Variants in C6orf89 observed in about 807,000 individuals in gnomAD.
The protein encoded by C6orf89 is bombesin receptor-activated protein C6orf89.
C6orf89 carries 29 observed loss-of-function variants against 40.7 expected under a neutral mutation model. The observed-to-expected ratio is 0.71, with a 90% CI of 0.53 to 0.97. C6orf89 has a LOEUF of 0.97. Ranked by LOEUF, C6orf89 falls within the 50% of genes least tolerant of loss-of-function variation. C6orf89 has a pLI of 0.00. For missense variants in C6orf89, 392 were observed against 429.1 expected (o/e 0.91, Z 0.76); for synonymous variants, 165 against 152.2 (o/e 1.08, Z -0.62).
intron 4 of C6orf89, among the ~76,000 whole-genome samples, chr6:36,904,809 C>T (rs368856572): frequency 3.7e-4 from 57 of 152,228 alleles, no homozygotes; most frequent in African/African-American, 1.3e-3. Context: ...GTCTCACACT[C>T]CCAGGGTCAT....
chr6:36,878,098 A>G (rs976308223), intron 1 of C6orf89, among the ~76,000 whole-genome samples: 10 of 152,188 alleles, frequency 6.6e-5, no homozygotes, highest in Non-Finnish European at 1.5e-4. Flanking sequence ...ATCTTGGTGT[A>G]TGGTATGAGG....
In C6orf89 at chr6:36,923,418, G is replaced by A; in HGVS notation, c.1021G>A (p.Gly341Arg). 1 of 1,613,878 alleles carries A rather than the reference G, an allele frequency of 6.2e-7. No homozygotes were observed. Reference protein sequence around the residue: ...RGVQPLVICDGTAFSEL With the variant: ...RGVQPLVICDRTAFSEL ...GGTCCAGCCTTTGGTCATCTGCGAT[G>A]GAACCGCTTTCTCAGAACTGTAGGA... Residue 341 changes from glycine (G) to arginine (R), a missense_variant, in exon 9 of 9, where the codon GGA becomes AGA. Coordinates refer to ENST00000480824, the MANE Select transcript of C6orf89 (RefSeq NM_001286635.2).
chr6:36,923,284 G>A lies in C6orf89; in HGVS notation c.950-63G>A, dbSNP rs1041961942. 42 of 1,267,542 alleles carry A rather than the reference G, an allele frequency of 3.3e-5. No individual in the cohort carries two copies. In the African/African-American group the frequency reaches 3.5e-4, roughly 11 times the overall value. The allele number at this position is 1,267,542 out of a possible 1,614,324, so 78.5% of individuals were successfully genotyped here. A position where few individuals can be genotyped will look rare whatever the true frequency, so the allele number is the denominator to read the frequency against. The stretch of plus-strand genomic sequence containing the variant: ...CAGCTCTGGCAGACCTGCCTTGCTC[G>A]TGCCCACAGGTGTGCCCACCCTCTG... On this transcript the variant is annotated intron_variant, in intron 8 of 8. Coordinates refer to ENST00000480824, the MANE Select transcript of C6orf89 (RefSeq NM_001286635.2).
chr6:36,910,749 C>G (rs1388284019), intron 4 of C6orf89, among the ~76,000 whole-genome samples: 1 of 151,222 alleles, frequency 6.6e-6, no homozygotes, highest in African/African-American at 2.4e-5. Flanking sequence ...AAAGGCTGGT[C>G]TCAAACTCCT....
intron 4 of C6orf89, among the ~76,000 whole-genome samples, chr6:36,907,537 G>A (rs556351781): frequency 6.6e-6 from 1 of 152,260 alleles, no homozygotes; most frequent in South Asian, 2.1e-4. Context: ...TGACTTCAAG[G>A]CTGTGTTTTG....
At chr6:36,874,241 A>T (rs1299824221) in intron 1 of C6orf89, among the ~76,000 whole-genome samples, 2 of 152,054 alleles carry the variant, frequency 1.3e-5, no homozygotes, top group Admixed American at 1.3e-4. Flanking sequence ...TTACCACATC[A>T]CTCTTTGATA....
intron 2 of C6orf89, among the ~76,000 whole-genome samples, chr6:36,880,110 A>C (rs1414756309): frequency 1.3e-5 from 2 of 152,216 alleles, no homozygotes; most frequent in Non-Finnish European, 2.9e-5. Flanking sequence ...TTCCTCGAGC[A>C]CCTAGGAAGT....
At chr6:36,908,188 C>A (rs1171614087) in intron 4 of C6orf89, among the ~76,000 whole-genome samples, 1 of 152,182 alleles carries the variant, frequency 6.6e-6, no homozygotes, top group Non-Finnish European at 1.5e-5. Context: ...GTTTGGGCTC[C>A]CTTAGTTCAG....
chr6:36,917,422 T>A (rs1762363147), intron 7 of C6orf89, among the ~76,000 whole-genome samples: 1 of 152,202 alleles, frequency 6.6e-6, no homozygotes, highest in South Asian at 2.1e-4. Flanking sequence ...TGTGTCTGTT[T>A]ACTTTTCTCT....
intron 4 of C6orf89, among the ~76,000 whole-genome samples, chr6:36,905,710 C>T (rs759404332): frequency 6.6e-6 from 1 of 152,192 alleles, no homozygotes; most frequent in African/African-American, 2.4e-5. Flanking sequence ...GGCTTCATAT[C>T]TTTATAGTCA....
Position 36,885,986 on chromosome 6 carries a change from T to C in C6orf89, c.-162T>C. ...CCCATCCTCCTCGCCCGGCGGCAGC[T>C]GTCCCCGAGGCGGGAGGAGCCCGAG... On this transcript the variant is annotated 5_prime_UTR_variant, in exon 1 of 9. Transcript: ENST00000480824. 2 of 1,224,708 alleles carry C rather than the reference T, an allele frequency of 1.6e-6. No homozygotes were observed. The highest frequency in any genetic ancestry group is 2.0e-6 in the Non-Finnish European group (2 of 989,690). 75.9% of individuals were successfully genotyped at this position (1,224,708 alleles called of 1,614,324 possible). A position where few individuals can be genotyped will look rare whatever the true frequency, so the allele number is the denominator to read the frequency against.
intron 2 of C6orf89, among the ~76,000 whole-genome samples, chr6:36,896,264 C>A (rs1761427504): frequency 6.6e-6 from 1 of 152,130 alleles, no homozygotes; most frequent in Non-Finnish European, 1.5e-5. Flanking sequence ...CCTGCCACCA[C>A]ACCCGGCTAA....
chr6:36,885,161 T>C (rs922408406), upstream of C6orf89, among the ~76,000 whole-genome samples: 4 of 152,204 alleles, frequency 2.6e-5, no homozygotes, highest in East Asian at 3.8e-4. Flanking sequence ...TCAAACAAAA[T>C]TGAAAACCTA....
chr6:36,901,318 A>ATTTTTTTTTT (rs1408790414), intron 3 of C6orf89, among the ~76,000 whole-genome samples: 40 of 65,068 alleles, frequency 6.1e-4, no homozygotes, highest in Non-Finnish European at 7.8e-4. Flanking sequence ...TATTATTATT[A>ATTTTTTTTTT]TTATTTTTTT....
Position 36,908,616 on chromosome 6 carries a change from C to T in C6orf89, c.404-5668C>T, listed in dbSNP as rs149206539. Among the ~76,000 whole-genome samples the T allele has an allele frequency of 6.9e-4, 105 of 152,140 alleles. 3 individuals are homozygous for T. The East Asian group carries it at 0.018, about 26-fold the overall frequency. On this transcript the variant is annotated intron_variant, in intron 4 of 8. Transcript: ENST00000480824. ...ATAAATAGAAATACTTTTTTGTTCA[C>T]ACACATACAAAAGATCTCATATACA...
At chr6:36,872,211 GA>G (rs1251406449) in intron 1 of C6orf89, among the ~76,000 whole-genome samples, 1 of 150,886 alleles carries the variant, frequency 6.6e-6, no homozygotes, top group African/African-American at 2.4e-5. Context: ...CCTAAATTAG[GA>G]AAAAAATTCT....
chr6:36,900,196 G>GTT (rs540944447), intron 3 of C6orf89, among the ~76,000 whole-genome samples: 3 of 138,448 alleles, frequency 2.2e-5, no homozygotes, highest in Admixed American at 7.3e-5. Context: ...CTTGTGTTTT[G>GTT]TTTTTTTTTG....
rs1252701127 is a variant in C6orf89 at position 36,923,408 on chromosome 6, C to T, written c.1011C>T (p.Val337=). The T allele has an allele frequency of 1.9e-6, 3 of 1,614,112 alleles. No homozygotes were observed. The highest frequency in any genetic ancestry group is 2.5e-6 in the Non-Finnish European group (3 of 1,179,948). Residue 337 remains valine, a synonymous_variant, in exon 9 of 9, where the codon GTC becomes GTT. Coordinates refer to ENST00000480824, the MANE Select transcript of C6orf89 (RefSeq NM_001286635.2). ...YVIARGVQPL[V]ICDGTAFSEL is the part of the protein sequence containing the mutation. ...TAGCCAGAGGGGTCCAGCCTTTGGT[C>T]ATCTGCGATGGAACCGCTTTCTCAG...
At chr6:36,893,733 C>G (rs1761312217) in intron 1 of C6orf89, among the ~76,000 whole-genome samples, 1 of 152,076 alleles carries the variant, frequency 6.6e-6, no homozygotes, top group Non-Finnish European at 1.5e-5. Context: ...GAGTTTGAGA[C>G]CAGCCTAGCC....
Sources: gnomAD v4.1 joint callset for allele counts (sites outside exome capture counted in the v4.1 genomes callset) on GRCh38, gnomAD v4.1.1 for gene constraint, MANE v1.5 for transcripts, NCBI Gene and HGNC (gene_info 2026-07-23, HGNC 2026-07-21) for gene names.